DYNC2I1: variants seen among roughly 807,000 people sequenced by gnomAD.
DYNC2I1 encodes dynein 2 intermediate chain 1.
A neutral mutation model predicts 133.4 loss-of-function variants in DYNC2I1; 89 were observed. That is an observed-to-expected ratio of 0.67 (90% CI 0.56 to 0.80). The LOEUF (loss-of-function observed/expected upper bound fraction) is 0.80, where lower values mean the gene tolerates loss of function less well. Among genes scored for constraint, DYNC2I1 ranks in the 30% least tolerant of loss-of-function variants. The probability of loss-of-function intolerance (pLI) is 0.00; values close to 1 mark genes in which losing one functional copy is unlikely to be tolerated. For synonymous variants in DYNC2I1, 504 were observed against 484.3 expected (o/e 1.04, Z -0.54); for missense variants, 1,291 against 1,314.5 (o/e 0.98, Z 0.28).
chr7:158,930,472 A>G lies in DYNC2I1; in HGVS notation c.2503A>G (p.Arg835Gly). The change falls in exon 21 of 25, where the codon AGG (arginine) becomes GGG (glycine). Residue 835 changes from arginine to glycine, a missense_variant. By Grantham distance (125) the Arg-to-Gly change is moderately radical (BLOSUM62 -2). Transcript: ENST00000407559. Reference protein sequence around the residue: ...ISDLGLMPGGRVKLVHSALIQ... With the variant: ...ISDLGLMPGGGVKLVHSALIQ... Reference sequence around the variant, plus strand: ...CTTTTTAGGTCTGATGCCTGGAGGGAGGGTCAAGCTGGTACATAGTGCTCT... The same window carrying G: ...CTTTTTAGGTCTGATGCCTGGAGGGGGGGTCAAGCTGGTACATAGTGCTCT... The G allele has an allele frequency of 1.2e-6, 2 of 1,612,884 alleles. No individual in the cohort carries two copies. The highest frequency in any genetic ancestry group is 2.2e-5 in the South Asian group (2 of 90,590).
At chr7:158,861,728 T>A (rs556093455) in intron 1 of DYNC2I1, among the ~76,000 whole-genome samples, 1 of 152,036 alleles carries the variant, frequency 6.6e-6, no homozygotes, top group African/African-American at 2.4e-5. Flanking sequence ...GAGTACAGAG[T>A]GTTAGAAGCA....
At chr7:158,888,714 C>T (rs1223341271) in intron 7 of DYNC2I1, among the ~76,000 whole-genome samples, 1 of 152,134 alleles carries the variant, frequency 6.6e-6, no homozygotes, top group Non-Finnish European at 1.5e-5. Flanking sequence ...AGGTGATCCA[C>T]CTGCTTTGGC....
At chr7:158,931,415 A>G (rs1850201879) in intron 21 of DYNC2I1, among the ~76,000 whole-genome samples, 1 of 152,182 alleles carries the variant, frequency 6.6e-6, no homozygotes, top group Non-Finnish European at 1.5e-5. Flanking sequence ...AGTAATTACA[A>G]CTAATTATGA....
intron 1 of DYNC2I1, among the ~76,000 whole-genome samples, chr7:158,863,662 G>A (rs1197583950): frequency 1.3e-5 from 1 of 74,106 alleles, no homozygotes; most frequent in Non-Finnish European, 2.6e-5. Flanking sequence ...TTAGCTGGGG[G>A]GGGGTGTGGG....
At chr7:158,922,959 T>A (rs1849244920) in intron 16 of DYNC2I1, among the ~76,000 whole-genome samples, 1 of 152,226 alleles carries the variant, frequency 6.6e-6, no homozygotes, top group East Asian at 1.9e-4. Context: ...TGCATGGAGG[T>A]TTCTTCAACT....
chr7:158,883,382 A>T (rs1198225241), intron 5 of DYNC2I1, among the ~76,000 whole-genome samples: 28 of 134,722 alleles, frequency 2.1e-4, no homozygotes, highest in Middle Eastern at 4.0e-3. Context: ...GCTTATTATT[A>T]TTTTTTTTTT....
chr7:158,943,517 T>C (rs1851579694), intron 24 of DYNC2I1, among the ~76,000 whole-genome samples: 1 of 151,996 alleles, frequency 6.6e-6, no homozygotes, highest in Non-Finnish European at 1.5e-5. Flanking sequence ...GGTCCTGTTG[T>C]GGGGACGTTT....
intron 20 of DYNC2I1, among the ~76,000 whole-genome samples, chr7:158,928,923 T>A (rs1259671006): frequency 1.3e-5 from 2 of 152,242 alleles, no homozygotes; most frequent in Non-Finnish European, 2.9e-5. Flanking sequence ...TTACGGATGG[T>A]ACTGAGATCA....
chr7:158,906,792 C>A (rs891190038), intron 11 of DYNC2I1, among the ~76,000 whole-genome samples: 3 of 152,188 alleles, frequency 2.0e-5, no homozygotes, highest in Admixed American at 6.5e-5. Flanking sequence ...GATTTAAAAT[C>A]TCTTATCACC....
chr7:158,861,026 C>G (rs1186312104), intron 1 of DYNC2I1, among the ~76,000 whole-genome samples: 1 of 152,244 alleles, frequency 6.6e-6, no homozygotes, highest in East Asian at 1.9e-4. Flanking sequence ...TTTAACACTG[C>G]TCCTCGCGGT....
intron 7 of DYNC2I1, among the ~76,000 whole-genome samples, chr7:158,891,062 G>A (rs1373740702): frequency 6.6e-6 from 1 of 152,230 alleles, no homozygotes; most frequent in Non-Finnish European, 1.5e-5. Context: ...AGGCACAGAG[G>A]GTTGAAGATA....
At chr7:158,877,627 C>T (rs1176504294) in intron 4 of DYNC2I1, among the ~76,000 whole-genome samples, 1 of 152,182 alleles carries the variant, frequency 6.6e-6, no homozygotes, top group African/African-American at 2.4e-5. Flanking sequence ...AATGGCATTT[C>T]TGGGCATTTT....
chr7:158,936,327 G>C (rs1850747258), intron 23 of DYNC2I1, among the ~76,000 whole-genome samples: 1 of 152,010 alleles, frequency 6.6e-6, no homozygotes, highest in African/African-American at 2.4e-5. Context: ...TCACCAATAA[G>C]AACTTAGAAC....
Position 158,901,782 on chromosome 7 carries a change from A to C in DYNC2I1, c.1103A>C (p.Asp368Ala), listed in dbSNP as rs767682472. Residue 368 changes from aspartate to alanine, a missense_variant, in exon 9 of 25, where the codon GAT (aspartate) becomes GCT (alanine). Physicochemically the swap from Asp to Ala is moderately radical, Grantham distance 126. Transcript: ENST00000407559. ...EETDLENARA[D>A]AYTASCEDDF... ...ACTGATTTAGAAAATGCTAGAGCTG[A>C]TGCATATACAGCCAGTTGTGAAGAT... 2 of 1,583,496 alleles carry C rather than the reference A, an allele frequency of 1.3e-6. No homozygotes were observed. Among genetic ancestry groups the C allele is most frequent in the Non-Finnish European group, 1.7e-6 (2 of 1,164,516 alleles).
the DYNC2I1 span, among the ~76,000 whole-genome samples, chr7:158,847,593 T>C: frequency 6.6e-6 from 1 of 152,194 alleles, no homozygotes; most frequent in African/African-American, 2.4e-5. Context: ...CCCAGGCAGT[T>C]AGCTCACTGA....
chr7:158,871,514 A>G lies in DYNC2I1; in HGVS notation c.442A>G (p.Thr148Ala), dbSNP rs1483778654. 5.2e-6 allele frequency: 8 copies of G among 1,545,844 alleles called. No individual in the cohort carries two copies. The East Asian group carries it at 1.5e-4, about 28-fold the overall frequency. The change falls in exon 3 of 25, where the codon ACA (threonine) becomes GCA (alanine). Residue 148 changes from threonine (T) to alanine (A), a missense_variant. Transcript: ENST00000407559. ...VAHHNLLGQE[T>A]RDRQLLERAE... ...CCACCACAACCTGCTGGGCCAGGAG[A>G]CACGCGACCGGCAGCTCCTGGAGCG...
intron 1 of DYNC2I1, among the ~76,000 whole-genome samples, chr7:158,865,181 GTGCAC>G (rs1156665957): frequency 1.3e-5 from 2 of 152,200 alleles, no homozygotes; most frequent in Non-Finnish European, 2.9e-5. Flanking sequence ...ACCTCTGATG[GTGCAC>G]CTTGGAGGTG....
At chr7:158,888,269 G>A (rs1272078777) in intron 7 of DYNC2I1, among the ~76,000 whole-genome samples, 2 of 151,898 alleles carry the variant, frequency 1.3e-5, no homozygotes, top group Non-Finnish European at 2.9e-5. Context: ...ATGATCTGCC[G>A]ACCTCGGCCT....
At chr7:158,862,751 C>T (rs1207461779) in intron 1 of DYNC2I1, among the ~76,000 whole-genome samples, 2 of 151,902 alleles carry the variant, frequency 1.3e-5, no homozygotes, top group Admixed American at 6.6e-5. Flanking sequence ...CAGACCCTCG[C>T]GGCGAGTGTT....
Sources: gnomAD v4.1 joint callset for allele counts (sites outside exome capture counted in the v4.1 genomes callset) on GRCh38, gnomAD v4.1.1 for gene constraint, MANE v1.5 for transcripts, NCBI Gene and HGNC (gene_info 2026-07-23, HGNC 2026-07-21) for gene names.